The following ATP13A4 variants were observed in gnomAD, a reference collection of about 807,000 sequenced individuals.
The protein encoded by ATP13A4 is ATPase 13A4, also known as probable cation-transporting ATPase 13A4.
ATP13A4 carries 114 observed loss-of-function variants against 142.5 expected under a neutral mutation model. That is an observed-to-expected ratio of 0.80 (90% CI 0.69 to 0.93). ATP13A4 has a LOEUF of 0.93. ATP13A4 is among the 40% of genes least tolerant of loss of function. The probability of loss-of-function intolerance (pLI) is 0.00; values close to 1 mark genes in which losing one functional copy is unlikely to be tolerated. For missense variants in ATP13A4, 1,392 were observed against 1,454.0 expected, an observed-to-expected ratio of 0.96 and a Z score of 0.69; for synonymous variants, 488 against 514.8, an observed-to-expected ratio of 0.95 and a Z score of 0.70.
intron 18 of ATP13A4, among the ~76,000 whole-genome samples, chr3:193,443,693 G>A (rs1183563238): frequency 4.6e-5 from 7 of 152,140 alleles, no homozygotes; most frequent in Non-Finnish European, 4.4e-5. Context: ...TCAGACAATG[G>A]TTTTTAAAGC....
At chr3:193,438,357 C>G in intron 23 of ATP13A4, 118 bp downstream of exon 23, 1 of 848,746 alleles carries the variant, frequency 1.2e-6, no homozygotes, top group South Asian at 1.4e-5. Flanking sequence ...CATTCTTCCA[C>G]AAAACACCCT....
At chr3:193,481,055 A>G (rs773849935) in intron 8 of ATP13A4, among the ~76,000 whole-genome samples, 3 of 152,222 alleles carry the variant, frequency 2.0e-5, no homozygotes, top group Non-Finnish European at 4.4e-5. Flanking sequence ...GTTCTCACTC[A>G]TAAGTGGGAG....
At chr3:193,431,261 A>G (rs1322098777) in intron 25 of ATP13A4, among the ~76,000 whole-genome samples, 1 of 152,132 alleles carries the variant, frequency 6.6e-6, no homozygotes, top group African/African-American at 2.4e-5. Flanking sequence ...CAGTAAGTAC[A>G]TAATGATTAT....
chr3:193,534,918 GA>G (rs1722514570), intron 1 of ATP13A4, among the ~76,000 whole-genome samples: 1 of 151,550 alleles, frequency 6.6e-6, no homozygotes, highest in Admixed American at 6.6e-5. Flanking sequence ...TCTACAAAAA[GA>G]AGCATAATAG....
intron 2 of ATP13A4, among the ~76,000 whole-genome samples, chr3:193,560,276 A>G (rs1450046113): frequency 6.6e-6 from 1 of 151,652 alleles, no homozygotes; most frequent in Non-Finnish European, 1.5e-5. Flanking sequence ...AGGTGCAATC[A>G]TGGTTCACTG....
Position 193,502,513 on chromosome 3 carries a change from T to C in ATP13A4, c.361A>G (p.Ile121Val). Residue 121 changes from isoleucine to valine, a missense_variant, in exon 3 of 30, where the codon ATA becomes GTA. Transcript: ENST00000342695. The stretch of plus-strand genomic sequence containing the variant: ...CTTACCTTTAGGTCTGGCTTTCTTA[T>C]GGCTCTATTTATGATATACTCCTCA... ...TDEEYIINRA[I>V]RKPDLKVRCI... The C allele has an allele frequency of 1.9e-6, 3 of 1,614,120 alleles. No homozygotes were observed. The highest frequency in any genetic ancestry group is 2.2e-5 in the South Asian group (2 of 91,082).
intron 8 of ATP13A4, among the ~76,000 whole-genome samples, chr3:193,478,779 T>C (rs1456758046): frequency 1.3e-5 from 2 of 152,016 alleles, no homozygotes; most frequent in African/African-American, 4.8e-5. Context: ...GAAGCCAGTA[T>C]CACCCTAATA....
At chr3:193,520,891 C>G (rs375851722) in intron 1 of ATP13A4, among the ~76,000 whole-genome samples, 44 of 152,226 alleles carry the variant, frequency 2.9e-4, no homozygotes, top group African/African-American at 1.0e-3. Context: ...CTCTTCCCAG[C>G]TTTGGAATGT....
chr3:193,465,275 C>T (rs1014529551), intron 11 of ATP13A4, 147 bp from the exon 12 acceptor site: 95 of 818,514 alleles, frequency 1.2e-4, no homozygotes, highest in Non-Finnish European at 1.7e-4. Flanking sequence ...GCAACCTCCA[C>T]CTCCCGGGTT....
chr3:193,533,411 C>T (rs1037378373), intron 1 of ATP13A4, among the ~76,000 whole-genome samples: 8 of 151,874 alleles, frequency 5.3e-5, no homozygotes, highest in South Asian at 2.1e-4. Flanking sequence ...AAGAAATGAA[C>T]GACATATTTT....
At chr3:193,405,576 C>G (rs890715399) in intron 29 of ATP13A4, among the ~76,000 whole-genome samples, 1 of 152,082 alleles carries the variant, frequency 6.6e-6, no homozygotes, top group African/African-American at 2.4e-5. Context: ...ACCATAATCA[C>G]GTGCACAAAC....
intron 1 of ATP13A4, among the ~76,000 whole-genome samples, chr3:193,550,464 A>G (rs1476344997): frequency 6.6e-6 from 1 of 152,054 alleles, no homozygotes; most frequent in Non-Finnish European, 1.5e-5. Flanking sequence ...ATACCACCAC[A>G]TCCAGATAAT....
At chr3:193,459,688 G>A (rs62285742) in intron 13 of ATP13A4, among the ~76,000 whole-genome samples, 1 of 152,108 alleles carries the variant, frequency 6.6e-6, no homozygotes, top group East Asian at 1.9e-4. Context: ...ACCCACCTGC[G>A]TCGGCCTCCC....
rs369470288 is a variant in ATP13A4, at chr3:193,414,640, T to C, written c.2953A>G (p.Met985Val). 15 of 1,613,968 alleles carry C rather than the reference T, an allele frequency of 9.3e-6. No individual in the cohort carries two copies. The African/African-American group carries it at 1.1e-4, about 11-fold the overall frequency. ...VIFNILLSLA[M>V]HIAGFILVQR... ...ACCAGGATGAAGCCTGCAATATGCA[T>C]GGCCAGGCTGAGAAGAATGTTGAAA... is the stretch of plus-strand genomic sequence containing the variant. The change falls in exon 26 of 30, where the codon ATG becomes GTG. Residue 985 changes from methionine (M) to valine (V), a missense_variant. Transcript: ENST00000342695.
intron 2 of ATP13A4, among the ~76,000 whole-genome samples, chr3:193,507,449 A>G (rs1054525649): frequency 2.0e-5 from 3 of 152,092 alleles, no homozygotes; most frequent in Non-Finnish European, 4.4e-5. Flanking sequence ...AGAATATAGG[A>G]TTTAGTTATA....
intron 29 of ATP13A4, 132 bp downstream of exon 29, chr3:193,407,181 G>T: frequency 1.3e-6 from 1 of 752,024 alleles, no homozygotes; most frequent in Non-Finnish European, 2.3e-6. Flanking sequence ...TGCTTATACT[G>T]TGAAGGAAGG....
chr3:193,553,711 G>C (rs911213093), intron 1 of ATP13A4: 1 of 152,164 alleles, frequency 6.6e-6, no homozygotes, highest in African/African-American at 2.4e-5. Context: ...TTTCAGCTTT[G>C]ATAGCAGAAG....
chr3:193,582,611 A>G (rs1232360520), intron 1 of ATP13A4, among the ~76,000 whole-genome samples: 2 of 109,426 alleles, frequency 1.8e-5, no homozygotes, highest in African/African-American at 7.7e-5. Flanking sequence ...TATTACATGT[A>G]TATTATATAT....
chr3:193,573,319 A>ATATT (rs1724328349), intron 2 of ATP13A4, among the ~76,000 whole-genome samples: 1 of 141,904 alleles, frequency 7.0e-6, no homozygotes, highest in Admixed American at 7.1e-5. Context: ...ATATATATAT[A>ATATT]TATATATAAT....
Sources: allele counts gnomAD v4.1 joint callset (sites outside exome capture counted in the v4.1 genomes callset), GRCh38; gene constraint gnomAD v4.1.1; transcripts MANE v1.5; gene names NCBI Gene and HGNC (gene_info 2026-07-23, HGNC 2026-07-21).